NAV1: variants seen among roughly 807,000 people sequenced by gnomAD.
The protein encoded by NAV1 is neuron navigator 1.
NAV1 carries 18 observed loss-of-function variants against 175.2 expected under a neutral mutation model. That is an observed-to-expected ratio of 0.10 (90% CI 0.07 to 0.15). The LOEUF is 0.15. NAV1 is among the 10% of genes least tolerant of loss of function. The pLI is 1.00. For synonymous variants in NAV1, 897 were observed against 978.7 expected (o/e 0.92, Z 1.56); for missense variants, 1,731 against 2,436.6 (o/e 0.71, Z 6.10).
chr1:201,747,439 G>A (rs138376348), intron 3 of NAV1, among the ~76,000 whole-genome samples: 42 of 152,304 alleles, frequency 2.8e-4, no homozygotes, highest in African/African-American at 9.9e-4. Context: ...TTCTGCCAGC[G>A]GGTGGAATTG....
In NAV1 at chr1:201,770,156, A is replaced by T. The variant is rs146753554; in HGVS notation, c.1227-10265A>T. ...GAGAGAAGTCTGGGAGGGGTAGCCA[A>T]TCCTAGCCAAGAACTACGTTAGTGT... On this transcript the variant is annotated intron_variant, in intron 3 of 29. Coordinates refer to ENST00000367296, the Ensembl canonical transcript of NAV1. 2.9e-4 allele frequency among the ~76,000 whole-genome samples: 44 copies of T among 152,326 alleles called. No homozygotes were observed. In the East Asian group the frequency reaches 7.3e-3, roughly 25 times the overall value.
intron 2 of NAV1, 145 bp downstream of exon 4, chr1:201,629,652 A>G: frequency 2.2e-6 from 1 of 452,612 alleles, no homozygotes; most frequent in Non-Finnish European, 3.7e-6. Context: ...TTGAGTTTTC[A>G]TCATGCTTGA....
intron 1 of NAV1, among the ~76,000 whole-genome samples, chr1:201,569,065 C>T (rs1666453868): frequency 1.3e-5 from 2 of 152,176 alleles, no homozygotes; most frequent in Admixed American, 6.5e-5. Flanking sequence ...GTGTTTCCTT[C>T]CTGCTCTGGG....
chr1:201,795,657 C>G (rs762155158), intron 15 of NAV1: 51 of 152,250 alleles, frequency 3.3e-4, no homozygotes, highest in Middle Eastern at 3.4e-3. Flanking sequence ...ATGCTTCTGT[C>G]ACCATCATTC....
exon 1 of NAV1, chr1:201,648,483 G>A: frequency 2.5e-6 from 3 of 1,220,064 alleles, no homozygotes; most frequent in Non-Finnish European, 3.0e-6. Flanking sequence ...TTTCCCCTGC[G>A]CCCTCGGCTT....
At chr1:201,578,604 A>T (rs1278241811) in intron 1 of NAV1, among the ~76,000 whole-genome samples, 1 of 152,002 alleles carries the variant, frequency 6.6e-6, no homozygotes, top group Admixed American at 6.6e-5. Flanking sequence ...GGAGGAGGGG[A>T]TGGAACTTTG....
chr1:201,602,766 T>G, intron 2 of NAV1, among the ~76,000 whole-genome samples: 1 of 150,868 alleles, frequency 6.6e-6, no homozygotes, highest in African/African-American at 2.4e-5. Context: ...TGGGGCATGC[T>G]CCAGGGGGAC....
chr1:201,564,308 GT>G (rs1557998992), intron 1 of NAV1, among the ~76,000 whole-genome samples: 4 of 151,990 alleles, frequency 2.6e-5, no homozygotes, highest in African/African-American at 4.8e-5. Flanking sequence ...CACCTTTAGC[GT>G]CCTTACCTAT....
intron 3 of NAV1, among the ~76,000 whole-genome samples, chr1:201,775,249 A>G (rs1308658578): frequency 6.6e-6 from 1 of 152,188 alleles, no homozygotes; most frequent in Non-Finnish European, 1.5e-5. Flanking sequence ...GAGGGCATAG[A>G]TTTTAAACTA....
chr1:201,826,726 CTG>C (rs1209483358), exon 30 of NAV1: 1 of 152,252 alleles, frequency 6.6e-6, no homozygotes, highest in East Asian at 1.9e-4. Flanking sequence ...GGAAAGCAAA[CTG>C]TTGTATATAG....
upstream of NAV1, among the ~76,000 whole-genome samples, chr1:201,646,879 A>T (rs1490545411): frequency 6.6e-6 from 1 of 152,198 alleles, no homozygotes; most frequent in Non-Finnish European, 1.5e-5. Flanking sequence ...AGACACAAAT[A>T]CATTTCACAC....
chr1:201,774,618 C>G (rs1171665242), intron 3 of NAV1, among the ~76,000 whole-genome samples: 5 of 152,016 alleles, frequency 3.3e-5, no homozygotes, highest in Non-Finnish European at 2.9e-5. Flanking sequence ...TAGCAAGACC[C>G]CATCTCAAAA....
intron 1 of NAV1, among the ~76,000 whole-genome samples, chr1:201,709,428 T>A (rs909437718): frequency 3.3e-5 from 5 of 152,304 alleles, no homozygotes; most frequent in African/African-American, 1.2e-4. Flanking sequence ...GGTGTGAATG[T>A]CAGATTGGCT....
At chr1:201,805,144 C>T (rs1678195208) in intron 17 of NAV1, among the ~76,000 whole-genome samples, 1 of 152,124 alleles carries the variant, frequency 6.6e-6, no homozygotes, top group South Asian at 2.1e-4. Flanking sequence ...ACCTGAGGTC[C>T]ACTCTAACCC....
At chr1:201,575,034 C>G (rs1666655911) in intron 1 of NAV1, among the ~76,000 whole-genome samples, 1 of 152,224 alleles carries the variant, frequency 6.6e-6, no homozygotes, top group African/African-American at 2.4e-5. Flanking sequence ...CAAAGACTTT[C>G]CAGCAGCTGA....
chr1:201,674,129 T>C (rs553936983), intron 1 of NAV1: 4 of 152,222 alleles, frequency 2.6e-5, no homozygotes, highest in African/African-American at 9.6e-5. Context: ...CTCCCTTCAC[T>C]TGATTTTCTG....
At chr1:201,618,922 T>C (rs1004164905), upstream of NAV1, among the ~76,000 whole-genome samples, 2 of 152,142 alleles carry the variant, frequency 1.3e-5, no homozygotes, top group Non-Finnish European at 2.9e-5. Flanking sequence ...TCATGACCCC[T>C]TTCTCACCCA....
chr1:201,813,410 T>C lies in NAV1; in HGVS notation c.5340+152T>C. The C allele has an allele frequency of 1.7e-6, 1 of 593,594 alleles. No individual in the cohort carries two copies. The highest frequency in any genetic ancestry group is 3.0e-6 in the Non-Finnish European group (1 of 337,596). The allele number at this position is 593,594 out of a possible 1,614,324, so 36.8% of individuals were successfully genotyped here. On this transcript the variant is annotated intron_variant, in intron 28 of 29. Transcript: ENST00000367296. This position sits in a 1 kb window ranked among gnomAD's most constrained non-coding sequence, Gnocchi z 4.2. ...CAAGGCACTGGGTAGACTAAGCTGCTTTCCTGCCTCCAGCTGCCATTCAGC... is the reference window on the plus strand; with the variant it reads ...CAAGGCACTGGGTAGACTAAGCTGCCTTCCTGCCTCCAGCTGCCATTCAGC...
intron 3 of NAV1, among the ~76,000 whole-genome samples, chr1:201,730,295 A>T (rs74353414): frequency 2.0e-3 from 306 of 152,364 alleles, no homozygotes; most frequent in African/African-American, 7.1e-3. Context: ...TTTACAAGTG[A>T]AGAAATTGGA....
Sources: gnomAD v4.1 joint callset for allele counts (sites outside exome capture counted in the v4.1 genomes callset) on GRCh38, gnomAD v4.1.1 for gene constraint, Gnocchi (gnomAD v3.1) non-coding constraint, MANE v1.5 for transcripts, NCBI Gene and HGNC (gene_info 2026-07-23, HGNC 2026-07-21) for gene names.